The following SAMD5 variants were observed in gnomAD, a reference collection of about 807,000 sequenced individuals.
SAMD5 encodes sterile alpha motif domain-containing protein 5.
In SAMD5, 13 loss-of-function variants were observed where a neutral mutation model predicts 11.3. The ratio of observed to expected loss-of-function variants is 1.15; its 90% CI spans 0.75 to 1.83. The LOEUF is 1.83. Ranked by LOEUF, SAMD5 falls within the 40% of genes most tolerant of loss-of-function variation. SAMD5 has a pLI of 0.00. For missense variants in SAMD5, 255 were observed against 239.1 expected, an observed-to-expected ratio of 1.07 and a Z score of -0.44; for synonymous variants, 129 against 111.3, an observed-to-expected ratio of 1.16 and a Z score of -1.00.
intron 1 of SAMD5, among the ~76,000 whole-genome samples, chr6:147,543,933 C>T (rs989108275): frequency 6.6e-6 from 1 of 152,090 alleles, no homozygotes; most frequent in Non-Finnish European, 1.5e-5. Context: ...GCAAGCTCCT[C>T]TCTTTTAAAG....
At chr6:147,882,708 G>A in the SAMD5 span, among the ~76,000 whole-genome samples, 1 of 152,210 alleles carries the variant, frequency 6.6e-6, no homozygotes, top group Non-Finnish European at 1.5e-5. Context: ...TGTCAGGTAA[G>A]CCATGCCGGT....
In SAMD5 at chr6:147,567,419, CTAG is replaced by C; in HGVS notation, c.*2969_*2971del. The stretch of plus-strand genomic sequence containing the variant: ...TCTGAGTTTAAATTCTAAAATTATT[CTAG>C]TAGTATTTTCCTGCGGTGAATCTGT... On this transcript the variant is annotated 3_prime_UTR_variant, in exon 2 of 2. Coordinates refer to ENST00000367474, the MANE Select transcript of SAMD5 (RefSeq NM_001030060.3). 4 of 984,346 alleles carry C rather than the reference CTAG, an allele frequency of 4.1e-6. No homozygotes were observed. The highest frequency in any genetic ancestry group is 4.8e-6 in the Non-Finnish European group (4 of 828,960). 61.0% of individuals were successfully genotyped at this position (984,346 alleles called of 1,614,324 possible).
rs753576799 is a variant in SAMD5 at position 147,539,475 on chromosome 6, C to A, written c.460-24919C>A. Among the ~76,000 whole-genome samples, 162 of 152,120 alleles carry A rather than the reference C, an allele frequency of 1.1e-3. 1 individual carries two copies. Among genetic ancestry groups the A allele is most frequent in the Non-Finnish European group, 1.6e-3 (108 of 68,024 alleles). On this transcript the variant is annotated intron_variant, in intron 1 of 1. Transcript: ENST00000367474. ...TCATAATGCGAAGTAATTTCTGATA[C>A]CCCCAAAACTCAAAACCGTCAGATA...
At chr6:147,838,535 C>CCCA in the SAMD5 span, among the ~76,000 whole-genome samples, 1 of 142,894 alleles carries the variant, frequency 7.0e-6, no homozygotes, top group Non-Finnish European at 1.5e-5. Flanking sequence ...TATCCTGCCC[C>CCCA]CCCCCCGTAG....
At chr6:147,940,910 C>T in the SAMD5 span, among the ~76,000 whole-genome samples, 7 of 151,918 alleles carry the variant, frequency 4.6e-5, no homozygotes, top group African/African-American at 1.7e-4. Flanking sequence ...TGCAGTGAGC[C>T]GAGATTGCGC....
chr6:147,796,806 G>C, the SAMD5 span, among the ~76,000 whole-genome samples: 1 of 151,192 alleles, frequency 6.6e-6, no homozygotes, highest in Non-Finnish European at 1.5e-5. Context: ...TGGATTCCTA[G>C]GTATTTTATT....
chr6:147,552,359 C>A (rs1422107319), intron 1 of SAMD5, among the ~76,000 whole-genome samples: 2 of 152,128 alleles, frequency 1.3e-5, no homozygotes, highest in African/African-American at 4.8e-5. Flanking sequence ...AGTTGGGATT[C>A]TGGGGTTCAC....
At chr6:147,905,930 G>A in the SAMD5 span, among the ~76,000 whole-genome samples, 3 of 152,126 alleles carry the variant, frequency 2.0e-5, no homozygotes, top group Non-Finnish European at 4.4e-5. Context: ...CCCACTAGAC[G>A]CTGAGCAATT....
intron 1 of SAMD5, among the ~76,000 whole-genome samples, chr6:147,734,061 G>C (rs1791757426): frequency 1.3e-5 from 2 of 152,070 alleles, no homozygotes; most frequent in Middle Eastern, 3.4e-3. Flanking sequence ...TATAAGATAA[G>C]TTTTTCCTTA....
intron 1 of SAMD5, among the ~76,000 whole-genome samples, chr6:147,557,878 C>T (rs1788882839): frequency 1.3e-5 from 2 of 152,312 alleles, no homozygotes; most frequent in African/African-American, 2.4e-5. Context: ...GGTAGGTTGT[C>T]TACACTTTAA....
chr6:147,762,694 G>A, the SAMD5 span, among the ~76,000 whole-genome samples: 1 of 152,138 alleles, frequency 6.6e-6, no homozygotes, highest in African/African-American at 2.4e-5. Flanking sequence ...GATATTAAAT[G>A]CCTTGCCTGA....
chr6:147,584,604 G>A (rs190285175), intron 1 of SAMD5, among the ~76,000 whole-genome samples: 73 of 152,318 alleles, frequency 4.8e-4, no homozygotes, highest in Middle Eastern at 3.4e-3. Context: ...ATGAGGATCC[G>A]AGACAGTGCC....
At chr6:147,649,916 C>T (rs929815339) in intron 1 of SAMD5, among the ~76,000 whole-genome samples, 1 of 152,074 alleles carries the variant, frequency 6.6e-6, no homozygotes, top group African/African-American at 2.4e-5. Flanking sequence ...ATTACCATGC[C>T]TTTTAAATGG....
chr6:147,788,866 G>A, the SAMD5 span, among the ~76,000 whole-genome samples: 1 of 150,836 alleles, frequency 6.6e-6, no homozygotes, highest in Non-Finnish European at 1.5e-5. Context: ...GGAGGATCAC[G>A]AGGTCAGGAG....
At chr6:147,619,925 A>G (rs1562335258) in intron 1 of SAMD5, among the ~76,000 whole-genome samples, 1 of 152,256 alleles carries the variant, frequency 6.6e-6, no homozygotes, top group African/African-American at 2.4e-5. Flanking sequence ...TGGAATCCTA[A>G]GAGACAGCAG....
intron 1 of SAMD5, among the ~76,000 whole-genome samples, chr6:147,734,711 T>TAAAAAAAA (rs61482319): frequency 0.017 from 444 of 26,102 alleles, 89 homozygotes; most frequent in Non-Finnish European, 0.03. Context: ...AGACTCCATC[T>TAAAAAAAA]AAAAAAAAAA....
At chr6:147,882,886 T>G in the SAMD5 span, among the ~76,000 whole-genome samples, 11 of 152,228 alleles carry the variant, frequency 7.2e-5, no homozygotes, top group Admixed American at 6.5e-5. Flanking sequence ...TACCTGAAAT[T>G]ACTGTCAGAT....
intron 1 of SAMD5, among the ~76,000 whole-genome samples, chr6:147,722,307 A>T (rs186621492): frequency 6.6e-6 from 1 of 152,078 alleles, no homozygotes; most frequent in Non-Finnish European, 1.5e-5. Flanking sequence ...AATAATTAGC[A>T]TTGTATATAG....
rs149209068 is a variant in SAMD5 at position 147,720,241 on chromosome 6, C to G, written c.163-17076C>G. ...CTTTGGGAGGCCAGGGCGGGCGGAT[C>G]ACGAGGTCAGGAGATCGAGACCATC... On this transcript the variant is annotated intron_variant, in intron 1 of 1. Coordinates refer to the SAMD5 transcript ENST00000566741. Among the ~76,000 whole-genome samples the G allele has an allele frequency of 9.0e-3, 1,366 of 152,262 alleles. 23 individuals are homozygous for G. The highest frequency in any genetic ancestry group is 0.031 in the African/African-American group (1,290 of 41,546).
Sources: allele counts gnomAD v4.1 joint callset (sites outside exome capture counted in the v4.1 genomes callset), GRCh38; gene constraint gnomAD v4.1.1; transcripts MANE v1.5; gene names NCBI Gene and HGNC (gene_info 2026-07-23, HGNC 2026-07-21).